The following BRICD5 variants were observed in gnomAD, a reference collection of about 807,000 sequenced individuals.
The protein encoded by BRICD5 is BRICHOS domain-containing protein 5.
A neutral mutation model predicts 28.4 loss-of-function variants in BRICD5; 51 were observed. The observed-to-expected ratio is 1.80, with a 90% CI of 1.43 to 2.27. The LOEUF (loss-of-function observed/expected upper bound fraction) is 2.27. BRICD5 is among the 30% of genes most tolerant of loss of function. The pLI is 0.00. For synonymous variants in BRICD5, 177 were observed against 130.2 expected (o/e 1.36, Z -2.44); for missense variants, 456 against 309.6 (o/e 1.47, Z -3.55).
chr16:2,209,655 GC>G lies in BRICD5; in HGVS notation c.489del (p.Leu164TrpfsTer23). On this transcript the variant is annotated frameshift_variant, in exon 5 of 6. Coordinates refer to ENST00000328540, the MANE Select transcript of BRICD5 (RefSeq NM_182563.4). LOFTEE classifies it high-confidence loss of function. The stretch of plus-strand genomic sequence containing the variant: ...ACTTCGAGGCTCCCCTGCACTGCCA[GC>G]AGCTCCTGGGTGTGGTGGGTGTCCT... ...PSQDTHHTQE[L>X]LAVQGSLEVD... 6.2e-7 allele frequency: 1 copy of G among 1,613,392 alleles called. No individual in the cohort carries two copies. Among genetic ancestry groups the G allele is most frequent in the South Asian group, 1.1e-5 (1 of 91,046 alleles).
At position 2,209,265 on chromosome 16, in the gene BRICD5, G is replaced by T; in HGVS notation, c.*97C>A. 1 of 1,150,714 alleles carries T rather than the reference G, an allele frequency of 8.7e-7. No individual in the cohort carries two copies. The highest frequency in any genetic ancestry group is 1.3e-6 in the Non-Finnish European group (1 of 792,234). 71.3% of individuals were successfully genotyped at this position (1,150,714 alleles called of 1,614,324 possible). On this transcript the variant is annotated 3_prime_UTR_variant, in exon 6 of 6. Transcript: ENST00000328540. ...CACCACCACCATGGCCAGGTGGAAG[G>T]GTTTATTAGTCCCTGCCAGCAGCTG...
In BRICD5 at chr16:2,209,396, C is replaced by T. The variant is rs1305179794; in HGVS notation, c.653G>A (p.Cys218Tyr). 1.9e-6 allele frequency: 3 copies of T among 1,613,810 alleles called. No homozygotes were observed. Among genetic ancestry groups the T allele is most frequent in the Non-Finnish European group, 2.5e-6 (3 of 1,179,966 alleles). The stretch of plus-strand genomic sequence containing the variant: ...GAGGTAATAAAAGCAGACCGACACG[C>T]AGATGTTGCTCGGGAAGCAGATGTC... ...CIDICFPSNI[C>Y]VSVCFYYLPD Residue 218 changes from cysteine (C) to tyrosine (Y), a missense_variant, in exon 6 of 6, where the codon TGC becomes TAC. Physicochemically the swap from Cys to Tyr is radical, Grantham distance 194 (BLOSUM62 -2). Coordinates refer to ENST00000328540, the MANE Select transcript of BRICD5 (RefSeq NM_182563.4).
rs768472359 is a variant in BRICD5 at position 2,209,677 on chromosome 16, G to A, written c.468C>T (p.Asp156=). 2.2e-5 allele frequency: 36 copies of A among 1,612,578 alleles called. No individual in the cohort carries two copies. The highest frequency in any genetic ancestry group is 2.9e-5 in the Non-Finnish European group (34 of 1,179,482). Residue 156 remains aspartate, a synonymous_variant, in exon 5 of 6, where the codon GAC becomes GAT. Coordinates refer to ENST00000328540, the MANE Select transcript of BRICD5 (RefSeq NM_182563.4). The part of the protein sequence containing the change: ...KVQEAWVPSQ[D]THHTQELLAV... ...CCAGCAGCTCCTGGGTGTGGTGGGTGTCCTGGCTGGGGACCCAAGCCTCTT... is the reference window on the plus strand; with the variant it reads ...CCAGCAGCTCCTGGGTGTGGTGGGTATCCTGGCTGGGGACCCAAGCCTCTT...
intron 2 of BRICD5, 84 bp downstream of exon 2, chr16:2,210,438 C>T: frequency 3.2e-6 from 5 of 1,541,518 alleles, no homozygotes; most frequent in East Asian, 2.3e-5. Flanking sequence ...TGCTCCGCAC[C>T]CTTGCTCTGC....
At position 2,210,214 on chromosome 16, in the gene BRICD5, A is replaced by G. The variant is rs1165524965; in HGVS notation, c.248T>C (p.Leu83Pro). ...CGCCGCGTTCCGGGCCACGTCCACC[A>G]GGATGGTTTGGTTGGGCCGGGGCAT... ...PHMPRPNQTI[L>P]VDVARNAATI... is the part of the protein sequence containing the mutation. Residue 83 changes from leucine (L) to proline (P), a missense_variant, in exon 3 of 6, where the codon CTG becomes CCG. By Grantham distance (98) the Leu-to-Pro change is moderately conservative. Coordinates refer to ENST00000328540, the MANE Select transcript of BRICD5 (RefSeq NM_182563.4). The G allele has an allele frequency of 1.3e-5, 20 of 1,585,368 alleles. No individual in the cohort carries two copies. The highest frequency in any genetic ancestry group is 1.6e-5 in the Non-Finnish European group (19 of 1,168,198).
In BRICD5 at chr16:2,210,065, G is replaced by A. The variant is rs565485228; in HGVS notation, c.337-14C>T. ...ACAGATGCAGCCCTGGGGAGGCAGG[G>A]GGGTGAGGCGGGGCCCCCCAGACCG... On this transcript the variant is annotated splice_polypyrimidine_tract_variant and intron_variant, in intron 3 of 5. Transcript: ENST00000328540. 1 of 1,600,028 alleles carries A rather than the reference G, an allele frequency of 6.2e-7. No individual in the cohort carries two copies. The highest frequency in any genetic ancestry group is 1.7e-5 in the Admixed American group (1 of 58,614).
rs375848463 is a variant in BRICD5 at position 2,210,737 on chromosome 16, G to A, written c.51+46C>T. On this transcript the variant is annotated intron_variant, in intron 1 of 5. Transcript: ENST00000328540. Reference sequence around the variant, plus strand: ...GGGAAGGGAGGGGCTGGGTGGCCTGGGGCACCCCCTGGGTCCTTGCTGCAG... The same window carrying A: ...GGGAAGGGAGGGGCTGGGTGGCCTGAGGCACCCCCTGGGTCCTTGCTGCAG... 2.2e-5 allele frequency: 36 copies of A among 1,609,116 alleles called. No individual in the cohort carries two copies. The Middle Eastern group carries it at 4.9e-4, about 22-fold the overall frequency.
At position 2,209,527 on chromosome 16, in the gene BRICD5, C is replaced by T. The variant is rs773122898; in HGVS notation, c.592+26G>A. On this transcript the variant is annotated intron_variant, in intron 5 of 5. Coordinates refer to ENST00000328540, the MANE Select transcript of BRICD5 (RefSeq NM_182563.4). ...CCTCAAACCATCCCGAGGGCCTGGC[C>T]TTCCCCCACAGCGGTCCTGACTCAC... is the stretch of plus-strand genomic sequence containing the variant. 1.1e-5 allele frequency: 18 copies of T among 1,612,526 alleles called. No homozygotes were observed. The East Asian group carries it at 2.7e-4, about 24-fold the overall frequency.
In BRICD5 at chr16:2,209,662, C is replaced by G. The variant is rs2093363675; in HGVS notation, c.483G>C (p.Gln161His). The change falls in exon 5 of 6, where the codon CAG (glutamine) becomes CAC (histidine). Residue 161 changes from glutamine (Q) to histidine (H), a missense_variant. By Grantham distance (24) the Gln-to-His change is conservative. Transcript: ENST00000328540. ...GGCTCCCCTGCACTGCCAGCAGCTC[C>G]TGGGTGTGGTGGGTGTCCTGGCTGG... Reference protein sequence around the residue: ...WVPSQDTHHTQELLAVQGSLE... With the variant: ...WVPSQDTHHTHELLAVQGSLE... 4.3e-6 allele frequency: 7 copies of G among 1,613,228 alleles called. No individual in the cohort carries two copies. The highest frequency in any genetic ancestry group is 1.3e-5 in the African/African-American group (1 of 74,932).
rs922566318 is a variant in BRICD5, at chr16:2,210,565, ACCCCCACAGCGGCCAGC to A, written c.120_136del (p.Leu41CysfsTer74). On this transcript the variant is annotated frameshift_variant, in exon 2 of 6. Transcript: ENST00000328540. LOFTEE classifies it high-confidence loss of function. Reference sequence around the variant, plus strand: ...AGAGCCAAGAAGCCCTCCAGCCACAACCCCCACAGCGGCCAGCACCAGCAGCAGCAGCAGCAGGAGCA... The same window carrying A: ...AGAGCCAAGAAGCCCTCCAGCCACAAACCAGCAGCAGCAGCAGCAGGAGCA... The A allele has an allele frequency of 1.9e-6, 3 of 1,612,688 alleles. No individual in the cohort carries two copies. Among genetic ancestry groups the A allele is most frequent in the Admixed American group, 3.3e-5 (2 of 59,974 alleles).
At chr16:2,210,443 C>T in intron 2 of BRICD5, 79 bp downstream of exon 2, 2 of 1,542,636 alleles carry the variant, frequency 1.3e-6, no homozygotes, top group South Asian at 2.5e-5. Context: ...CGCACCCTTG[C>T]TCTGCTGGAG....
chr16:2,209,493 C>T (rs756494018), intron 5 of BRICD5, 37 bp from the exon 6 acceptor site: 1 of 1,613,106 alleles, frequency 6.2e-7, no homozygotes, highest in Non-Finnish European at 8.5e-7. Context: ...AAGGGCTCCG[C>T]CCCCAGCTCC....
At position 2,209,422 on chromosome 16, in the gene BRICD5, G is replaced by A. The variant is rs561967169; in HGVS notation, c.627C>T (p.Ile209=). ...PRRQRLIYLC[I]DICFPSNICV... Reference sequence around the variant, plus strand: ...AGATGTTGCTCGGGAAGCAGATGTCGATGCAGAGATAAATCAGCCGCTGTC... The same window carrying A: ...AGATGTTGCTCGGGAAGCAGATGTCAATGCAGAGATAAATCAGCCGCTGTC... The change falls in exon 6 of 6, where the codon ATC becomes ATT. Residue 209 remains isoleucine (I), a synonymous_variant. Coordinates refer to ENST00000328540, the MANE Select transcript of BRICD5 (RefSeq NM_182563.4). 3.8e-5 allele frequency: 62 copies of A among 1,613,790 alleles called. No homozygotes were observed. The highest frequency in any genetic ancestry group is 1.6e-4 in the Middle Eastern group (1 of 6,062).
rs780480461 is a variant in BRICD5 at position 2,210,612 on chromosome 16, C to T, written c.90G>A (p.Val30=). The stretch of plus-strand genomic sequence containing the variant: ...GCAGCAGCAGCAGCAGGAGCAGGCT[C>T]ACGGCTCTCCAGCCCCCGCAGGAGG... ...TKPSCGGWRA[V]SLLLLLLLLV... is the part of the protein sequence containing the mutation. The change falls in exon 2 of 6, where the codon GTG becomes GTA. Residue 30 remains valine, a synonymous_variant. Coordinates refer to ENST00000328540, the MANE Select transcript of BRICD5 (RefSeq NM_182563.4). 6.2e-7 allele frequency: 1 copy of T among 1,612,322 alleles called. No homozygotes were observed. Among genetic ancestry groups the T allele is most frequent in the African/African-American group, 1.3e-5 (1 of 74,908 alleles).
In BRICD5 at chr16:2,209,261, G is replaced by T; in HGVS notation, c.*101C>A. 3 of 1,116,388 alleles carry T rather than the reference G, an allele frequency of 2.7e-6. No homozygotes were observed. Among genetic ancestry groups the T allele is most frequent in the South Asian group, 1.4e-5 (1 of 69,156 alleles). The allele number at this position is 1,116,388 out of a possible 1,614,324, so 69.2% of individuals were successfully genotyped here. A position where few individuals can be genotyped will look rare whatever the true frequency, so the allele number is the denominator to read the frequency against. ...AGAACACCACCACCATGGCCAGGTG[G>T]AAGGGTTTATTAGTCCCTGCCAGCA... is the stretch of plus-strand genomic sequence containing the variant. On this transcript the variant is annotated 3_prime_UTR_variant, in exon 6 of 6. Coordinates refer to ENST00000328540, the MANE Select transcript of BRICD5 (RefSeq NM_182563.4).
chr16:2,210,471 T>C (rs373083472), intron 2 of BRICD5, 51 bp downstream of exon 2: 1 of 1,552,844 alleles, frequency 6.4e-7, no homozygotes, highest in Non-Finnish European at 8.7e-7. Flanking sequence ...TATGCCAGCT[T>C]CCCTTCTCCC....
intron 2 of BRICD5, 96 bp downstream of exon 2, chr16:2,210,426 C>T (rs2093368694): frequency 1.3e-6 from 2 of 1,536,334 alleles, no homozygotes; most frequent in Admixed American, 3.9e-5. Context: ...GGTGTCACTG[C>T]CTGCTCCGCA....
In BRICD5 at chr16:2,210,110, C is replaced by T. The variant is rs367860737; in HGVS notation, c.336+16G>A. ...AGACCGACACCTGCCAGGGTGACCCCTCCCTGCCCACTCACGCTCTGCCCG... is the reference window on the plus strand; with the variant it reads ...AGACCGACACCTGCCAGGGTGACCCTTCCCTGCCCACTCACGCTCTGCCCG... On this transcript the variant is annotated intron_variant, in intron 3 of 5. Coordinates refer to ENST00000328540, the MANE Select transcript of BRICD5 (RefSeq NM_182563.4). 1.8e-5 allele frequency: 29 copies of T among 1,606,124 alleles called. No individual in the cohort carries two copies. In the African/African-American group the frequency reaches 3.1e-4, roughly 17 times the overall value.
rs2093363289 is a variant in BRICD5 at position 2,209,617 on chromosome 16, C to G, written c.528G>C (p.Gln176His). The stretch of plus-strand genomic sequence containing the variant: ...ACAGGCGCTGCACCAAAGCCCCCGC[C>G]TGGGCGGGGTCCACTTCGAGGCTCC... The part of the protein sequence containing the change: ...VQGSLEVDPA[Q>H]AGALVQRLCM... Residue 176 changes from glutamine to histidine, a missense_variant, in exon 5 of 6, where the codon CAG (glutamine) becomes CAC (histidine). Transcript: ENST00000328540. 1 of 1,613,134 alleles carries G rather than the reference C, an allele frequency of 6.2e-7. No individual in the cohort carries two copies. Among genetic ancestry groups the G allele is most frequent in the African/African-American group, 1.3e-5 (1 of 74,948 alleles).
Sources: allele counts gnomAD v4.1 joint callset, GRCh38; gene constraint gnomAD v4.1.1; transcripts MANE v1.5; gene names NCBI Gene and HGNC (gene_info 2026-07-23, HGNC 2026-07-21).